The following PKIB variants were observed in gnomAD, a reference collection of about 807,000 sequenced individuals.
The protein encoded by PKIB is cAMP-dependent protein kinase inhibitor beta, also known as PKI-beta.
Under a neutral mutation model 4.5 loss-of-function variants are expected in PKIB, and 2 were observed. That is an observed-to-expected ratio of 0.44 (90% CI 0.18 to 1.39). The LOEUF (loss-of-function observed/expected upper bound fraction) is 1.39, where lower values mean the gene tolerates loss of function less well. Among genes scored for constraint, PKIB ranks in the 40% most tolerant of loss-of-function variants. The probability of loss-of-function intolerance (pLI) is 0.27; values close to 1 mark genes in which losing one functional copy is unlikely to be tolerated. For missense variants in PKIB, 94 were observed against 92.6 expected (o/e 1.02, Z -0.06); for synonymous variants, 38 against 36.0 (o/e 1.06, Z -0.20).
intron 2 of PKIB, among the ~76,000 whole-genome samples, chr6:122,488,324 A>G (rs1415904390): frequency 6.6e-6 from 1 of 152,002 alleles, no homozygotes; most frequent in Non-Finnish European, 1.5e-5. Context: ...ATAATTATTT[A>G]TCTTGTTGCT....
At chr6:122,672,848 G>T (rs1244034027) in intron 2 of PKIB, among the ~76,000 whole-genome samples, 1 of 151,786 alleles carries the variant, frequency 6.6e-6, no homozygotes, top group African/African-American at 2.4e-5. Flanking sequence ...TTTGTTAGGG[G>T]CGTGCTACTG....
At chr6:122,696,260 A>G (rs1376953024) in intron 3 of PKIB, among the ~76,000 whole-genome samples, 1 of 152,194 alleles carries the variant, frequency 6.6e-6, no homozygotes, top group Admixed American at 6.5e-5. Context: ...AGTGGGAATT[A>G]CTATATGATG....
intron 3 of PKIB, among the ~76,000 whole-genome samples, chr6:122,676,736 ATC>A (rs1376675421): frequency 6.6e-6 from 1 of 151,972 alleles, no homozygotes; most frequent in East Asian, 1.9e-4. Context: ...ATATATTTCT[ATC>A]TTGCTTCATC....
chr6:122,576,710 A>ATATATTTT (rs59569106), intron 2 of PKIB, among the ~76,000 whole-genome samples: 141 of 109,934 alleles, frequency 1.3e-3, no homozygotes, highest in East Asian at 3.5e-3. Flanking sequence ...ATATATATAT[A>ATATATTTT]TTTTCTTTTG....
chr6:122,523,472 T>C (rs1777005639), intron 2 of PKIB, among the ~76,000 whole-genome samples: 1 of 152,140 alleles, frequency 6.6e-6, no homozygotes, highest in African/African-American at 2.4e-5. Flanking sequence ...GGTGGGATTT[T>C]TTTTGTGCTG....
intron 1 of PKIB, among the ~76,000 whole-genome samples, chr6:122,620,631 G>A (rs184935656): frequency 6.2e-4 from 95 of 152,270 alleles, no homozygotes; most frequent in Non-Finnish European, 1.1e-3. Flanking sequence ...CTCCTGAGGC[G>A]GTGAGGTAAG....
chr6:122,670,828 G>C (rs1363183384), intron 2 of PKIB, among the ~76,000 whole-genome samples: 1 of 152,102 alleles, frequency 6.6e-6, no homozygotes, highest in East Asian at 1.9e-4. Context: ...TGCTTGAGAG[G>C]TTAAATGCAT....
At chr6:122,533,146 TTTTATTTATTTATTTATTTA>T (rs57942146) in intron 2 of PKIB, among the ~76,000 whole-genome samples, 2 of 105,488 alleles carry the variant, frequency 1.9e-5, no homozygotes, top group African/African-American at 7.5e-5. Context: ...GCACAAAACT[TTTTATTTATTTATTTATTTA>T]TTTATTTATT....
At chr6:122,561,238 G>T (rs184933807) in intron 2 of PKIB, among the ~76,000 whole-genome samples, 22 of 152,024 alleles carry the variant, frequency 1.4e-4, no homozygotes, top group African/African-American at 5.3e-4. Flanking sequence ...GATAGGTCGT[G>T]TCATTATTGC....
At chr6:122,545,969 G>A (rs1184971108) in intron 2 of PKIB, among the ~76,000 whole-genome samples, 1 of 151,702 alleles carries the variant, frequency 6.6e-6, no homozygotes, top group Non-Finnish European at 1.5e-5. Context: ...CTCCCTGGGT[G>A]CCCAGGTATA....
chr6:122,508,964 TG>T (rs1165127708), intron 2 of PKIB, among the ~76,000 whole-genome samples: 5 of 152,158 alleles, frequency 3.3e-5, no homozygotes, highest in African/African-American at 1.2e-4. Context: ...TTAGCCAGGA[TG>T]GTCTTGATCT....
intron 1 of PKIB, among the ~76,000 whole-genome samples, chr6:122,615,978 T>C (rs921779646): frequency 3.9e-5 from 6 of 152,204 alleles, no homozygotes; most frequent in Non-Finnish European, 8.8e-5. Flanking sequence ...TTACAGCAGC[T>C]CTATCAAACT....
At chr6:122,561,988 G>GTTTGTGTTTTTTTTTTTTTT (rs1554220234) in intron 2 of PKIB, among the ~76,000 whole-genome samples, 32 of 24,256 alleles carry the variant, frequency 1.3e-3, no homozygotes, top group Non-Finnish European at 1.8e-3. Flanking sequence ...TTTTTTGTTT[G>GTTTGTGTTTTTTTTTTTTTT]TTTTTGTTTT....
intron 2 of PKIB, among the ~76,000 whole-genome samples, chr6:122,500,063 G>T (rs1479048510): frequency 6.6e-6 from 1 of 151,982 alleles, no homozygotes; most frequent in African/African-American, 2.4e-5. Flanking sequence ...ACAGACAAAT[G>T]GAAAAATATT....
chr6:122,557,750 G>A (rs1215786535), intron 2 of PKIB, among the ~76,000 whole-genome samples: 1 of 152,196 alleles, frequency 6.6e-6, no homozygotes, highest in East Asian at 1.9e-4. Flanking sequence ...ATGGGTAGAT[G>A]TGCTGTCCTC....
chr6:122,519,449 C>A (rs893062722), intron 2 of PKIB, among the ~76,000 whole-genome samples: 4 of 152,124 alleles, frequency 2.6e-5, no homozygotes, highest in Admixed American at 6.5e-5. Flanking sequence ...AACCACCCCC[C>A]ACATCCCCCA....
At chr6:122,695,193 A>T (rs568059725) in intron 3 of PKIB, among the ~76,000 whole-genome samples, 35 of 152,312 alleles carry the variant, frequency 2.3e-4, no homozygotes, top group Non-Finnish European at 4.4e-4. Flanking sequence ...AATTCTGCCA[A>T]TTGTTGAGAC....
At chr6:122,653,948 ACT>A (rs1208314281) in intron 2 of PKIB, among the ~76,000 whole-genome samples, 2 of 152,050 alleles carry the variant, frequency 1.3e-5, no homozygotes, top group African/African-American at 4.8e-5. Flanking sequence ...ACAGAGAGAG[ACT>A]CTGTCTCAAA....
intron 2 of PKIB, among the ~76,000 whole-genome samples, chr6:122,579,874 A>G (rs959167139): frequency 6.6e-6 from 1 of 152,206 alleles, no homozygotes; most frequent in Admixed American, 6.5e-5. Flanking sequence ...ACGTCAATTA[A>G]ACACAGCTGG....
Sources: gnomAD v4.1 joint callset for allele counts (sites outside exome capture counted in the v4.1 genomes callset) on GRCh38, gnomAD v4.1.1 for gene constraint, MANE v1.5 for transcripts, NCBI Gene and HGNC (gene_info 2026-07-23, HGNC 2026-07-21) for gene names.